CUX1: variants seen among roughly 807,000 people sequenced by gnomAD.
CUX1 encodes the protein cut like homeobox 1, also known as protein CASP.
Under a neutral mutation model 158.8 loss-of-function variants are expected in CUX1, and 31 were observed. That is an observed-to-expected ratio of 0.20 (90% CI 0.15 to 0.26). The LOEUF (loss-of-function observed/expected upper bound fraction) is 0.26, where lower values mean the gene tolerates loss of function less well. CUX1 is among the 10% of genes least tolerant of loss of function. CUX1 has a pLI of 1.00. For missense variants in CUX1, 1,589 were observed against 2,014.6 expected, an observed-to-expected ratio of 0.79 and a Z score of 4.04; for synonymous variants, 879 against 862.1, an observed-to-expected ratio of 1.02 and a Z score of -0.34.
chr7:102,127,778 T>C (rs1832806465), intron 8 of CUX1, among the ~76,000 whole-genome samples: 3 of 152,336 alleles, frequency 2.0e-5, no homozygotes, highest in Admixed American at 6.5e-5. Flanking sequence ...GCTTTGTCCC[T>C]GTTCTTTCTA....
At chr7:102,007,852 C>G (rs1277564263) in intron 2 of CUX1, among the ~76,000 whole-genome samples, 1 of 151,906 alleles carries the variant, frequency 6.6e-6, no homozygotes, top group Non-Finnish European at 1.5e-5. Context: ...TCAAGCGATT[C>G]TACTGTCTCA....
At chr7:101,926,363 G>A (rs1206385924) in intron 2 of CUX1, among the ~76,000 whole-genome samples, 1 of 152,158 alleles carries the variant, frequency 6.6e-6, no homozygotes, top group Non-Finnish European at 1.5e-5. Flanking sequence ...AGTGGGACCA[G>A]TAATGAAGGC....
At chr7:102,085,810 C>T (rs1458847469) in intron 4 of CUX1, among the ~76,000 whole-genome samples, 1 of 152,184 alleles carries the variant, frequency 6.6e-6, no homozygotes, top group African/African-American at 2.4e-5. Flanking sequence ...AGTGCTCCCC[C>T]TTTCCTCTAT....
At chr7:102,087,875 T>C (rs1158483010) in intron 4 of CUX1, among the ~76,000 whole-genome samples, 4 of 152,226 alleles carry the variant, frequency 2.6e-5, no homozygotes, top group African/African-American at 9.6e-5. Flanking sequence ...TGGATTCAAG[T>C]ATGCACGTGA....
chr7:101,993,291 T>C (rs1404284541), intron 2 of CUX1, among the ~76,000 whole-genome samples: 2 of 152,020 alleles, frequency 1.3e-5, no homozygotes, highest in East Asian at 1.9e-4. Context: ...GGTTGCACCA[T>C]TGCACTCCAG....
chr7:102,201,739 G>T lies in CUX1; in HGVS notation c.2442G>T (p.Val814=). The change falls in exon 18 of 24, where the codon GTG becomes GTT. Residue 814 remains valine, a synonymous_variant. Coordinates refer to ENST00000292535, the MANE Select transcript of CUX1 (RefSeq NM_181552.4). The surrounding 1 kb of genome is among the most constrained non-coding windows in gnomAD (Gnocchi z 5.0). The part of the protein sequence containing the change: ...QGVLRQVKNE[V]GRSGAWKDHW... ...TCCTGAGACAGGTGAAAAATGAGGT[G>T]GGCCGCAGCGGTGCCTGGAAGGACC... is the stretch of plus-strand genomic sequence containing the variant. The T allele has an allele frequency of 6.2e-7, 1 of 1,612,548 alleles. No individual in the cohort carries two copies.
chr7:102,156,164 G>A lies in CUX1; in HGVS notation c.675-2396G>A, dbSNP rs1284472065. On this transcript the variant is annotated intron_variant, in intron 8 of 23. Coordinates refer to ENST00000292535, the MANE Select transcript of CUX1 (RefSeq NM_181552.4). ...AGCCTCAGGCCACAAAAATTCCCCA[G>A]CCCAGGGGCCCGGAGACAGTTTTTC... Among the ~76,000 whole-genome samples the A allele has an allele frequency of 4.6e-5, 7 of 152,168 alleles. No homozygotes were observed. In the South Asian group the frequency reaches 1.2e-3, roughly 27 times the overall value.
chr7:101,937,270 A>G (rs1316972318), intron 2 of CUX1, among the ~76,000 whole-genome samples: 1 of 152,216 alleles, frequency 6.6e-6, no homozygotes, highest in Non-Finnish European at 1.5e-5. Flanking sequence ...GGAGGGGCTC[A>G]GGTGGTGGAA....
chr7:102,248,608 G>A lies in CUX1; in HGVS notation c.4084G>A (p.Glu1362Lys), dbSNP rs1348732680. The A allele has an allele frequency of 1.7e-5, 24 of 1,448,030 alleles. No homozygotes were observed. The highest frequency in any genetic ancestry group is 2.1e-5 in the Non-Finnish European group (23 of 1,105,372). The allele number at this position is 1,448,030 out of a possible 1,614,324, so 89.7% of individuals were successfully genotyped here. A position where few individuals can be genotyped will look rare whatever the true frequency, so the allele number is the denominator to read the frequency against. The stretch of plus-strand genomic sequence containing the variant: ...GGAGCCCAAGTCTCAGGGAGAGGCC[G>A]AGCGGGAGGAGGTGCCGCGGCCGGC... ...TEEPKSQGEAEREEVPRPAEQ... is the reference protein window; with the variant it reads ...TEEPKSQGEAKREEVPRPAEQ... The change falls in exon 24 of 24, where the codon GAG becomes AAG. Residue 1362 changes from glutamate to lysine, a missense_variant. Coordinates refer to ENST00000292535, the MANE Select transcript of CUX1 (RefSeq NM_181552.4). This position sits in a 1 kb window ranked among gnomAD's most constrained non-coding sequence, Gnocchi z 5.8.
At chr7:102,047,523 AGATG>A (rs750583847) in intron 3 of CUX1, among the ~76,000 whole-genome samples, 7 of 127,628 alleles carry the variant, frequency 5.5e-5, no homozygotes, top group Non-Finnish European at 8.2e-5. Flanking sequence ...AGGGAGGGAG[AGATG>A]GATGGATGGA....
chr7:101,901,513 T>G (rs1232291253), intron 1 of CUX1, among the ~76,000 whole-genome samples: 1 of 152,138 alleles, frequency 6.6e-6, no homozygotes, highest in Non-Finnish European at 1.5e-5. Context: ...CAGGCTGGTC[T>G]CGAACTCCTG....
intron 1 of CUX1, among the ~76,000 whole-genome samples, chr7:101,827,539 G>A (rs1262107766): frequency 1.3e-5 from 2 of 151,952 alleles, no homozygotes; most frequent in African/African-American, 2.4e-5. Flanking sequence ...TTGAGCTCCT[G>A]GGTTCAAGTA....
chr7:102,097,928 C>CATG, intron 5 of CUX1, among the ~76,000 whole-genome samples: 1 of 152,358 alleles, frequency 6.6e-6, no homozygotes, highest in Non-Finnish European at 1.5e-5. Context: ...TTAAAGGCTG[C>CATG]ATGCTTAAGC....
intron 2 of CUX1, among the ~76,000 whole-genome samples, chr7:101,925,668 A>G (rs1423128647): frequency 6.6e-6 from 1 of 152,220 alleles, no homozygotes; most frequent in African/African-American, 2.4e-5. Context: ...GCAGTAGCTC[A>G]CGCTTATAAT....
intron 8 of CUX1, among the ~76,000 whole-genome samples, chr7:102,126,333 C>G (rs782210308): frequency 7.2e-5 from 11 of 151,998 alleles, no homozygotes; most frequent in Non-Finnish European, 1.3e-4. Context: ...GGTACCACGC[C>G]CGGCCCGTGA....
chr7:102,203,758 T>TGGCCATATGGGAGCGTCAGAAAACTCG (rs1795685787), intron 18 of CUX1, among the ~76,000 whole-genome samples: 1 of 152,106 alleles, frequency 6.6e-6, no homozygotes, highest in Admixed American at 6.5e-5. Context: ...TACATATGTA[T>TGGCCATATGGGAGCGTCAGAAAACTCG]GGCCATATGG....
chr7:102,248,998 G>T lies in CUX1; in HGVS notation c.4474G>T (p.Glu1492Ter). Residue 1492 changes from glutamate to a stop codon, truncating the protein, a stop_gained, in exon 24 of 24, where the codon GAG (glutamate) becomes TAG (stop). Coordinates refer to ENST00000292535, the MANE Select transcript of CUX1 (RefSeq NM_181552.4). LOFTEE classifies it high-confidence loss of function. This position sits in a 1 kb window ranked among gnomAD's most constrained non-coding sequence, Gnocchi z 5.8. Reference sequence around the variant, plus strand: ...CTTGAACAGCATCATCCACCGCCTGGAGAAGGCCGCCAGCCGGGAGGAACC... The same window carrying T: ...CTTGAACAGCATCATCCACCGCCTGTAGAAGGCCGCCAGCCGGGAGGAACC... ...ANLNSIIHRLEKAASREEPIE... is the reference protein window; with the variant it reads ...ANLNSIIHRL 1 of 1,413,228 alleles carries T rather than the reference G, an allele frequency of 7.1e-7. No homozygotes were observed. Among genetic ancestry groups the T allele is most frequent in the Non-Finnish European group, 9.3e-7 (1 of 1,072,694 alleles). 87.5% of individuals were successfully genotyped at this position (1,413,228 alleles called of 1,614,324 possible).
Position 102,240,574 on chromosome 7 carries a change from A to G in CUX1, c.3887+990A>G, listed in dbSNP as rs377265624. Among the ~76,000 whole-genome samples, 665 of 152,030 alleles carry G rather than the reference A, an allele frequency of 4.4e-3. 6 individuals are homozygous for G. Among genetic ancestry groups the G allele is most frequent in the South Asian group, 0.012 (59 of 4,800 alleles). Reference sequence around the variant, plus strand: ...CACCTGGCCTGAACTTTTATTTCTTAGTGATTTTGCAGTGCTTTCTCGGGG... The same window carrying G: ...CACCTGGCCTGAACTTTTATTTCTTGGTGATTTTGCAGTGCTTTCTCGGGG... On this transcript the variant is annotated intron_variant, in intron 23 of 23. Coordinates refer to ENST00000292535, the MANE Select transcript of CUX1 (RefSeq NM_181552.4).
intron 8 of CUX1, among the ~76,000 whole-genome samples, chr7:102,144,898 G>A (rs1834862493): frequency 6.6e-6 from 1 of 151,512 alleles, no homozygotes; most frequent in Non-Finnish European, 1.5e-5. Context: ...AAACAGCCTG[G>A]CTAACATGGC....
Sources: gnomAD v4.1 joint callset for allele counts (sites outside exome capture counted in the v4.1 genomes callset) on GRCh38, gnomAD v4.1.1 for gene constraint, Gnocchi (gnomAD v3.1) non-coding constraint, MANE v1.5 for transcripts, NCBI Gene and HGNC (gene_info 2026-07-23, HGNC 2026-07-21) for gene names.